The following PLXNB2 variants were observed in gnomAD, a reference collection of about 807,000 sequenced individuals.
PLXNB2 encodes the protein plexin B2.
In PLXNB2, 85 loss-of-function variants were observed where a neutral mutation model predicts 202.6. That is an observed-to-expected ratio of 0.42 (90% CI 0.35 to 0.50). The LOEUF is 0.50. Among genes scored for constraint, PLXNB2 ranks in the 20% least tolerant of loss-of-function variants. The pLI, the probability that PLXNB2 is intolerant of heterozygous loss-of-function variation, is 0.02. For synonymous variants in PLXNB2, 1,239 were observed against 1,137.6 expected, an observed-to-expected ratio of 1.09 and a Z score of -1.79; for missense variants, 2,063 against 2,586.2, an observed-to-expected ratio of 0.80 and a Z score of 4.39.
At chr22:50,302,356 G>C (rs2067736149) in intron 1 of PLXNB2, among the ~76,000 whole-genome samples, 1 of 152,216 alleles carries the variant, frequency 6.6e-6, no homozygotes, top group South Asian at 2.1e-4. Context: ...GTGAGTGGGA[G>C]GTGATGCCCG....
rs1445584611 is a variant in PLXNB2 at position 50,280,077 on chromosome 22, G to A, written c.4176-6C>T. 6.2e-7 allele frequency: 1 copy of A among 1,600,094 alleles called. No individual in the cohort carries two copies. Among genetic ancestry groups the A allele is most frequent in the Admixed American group, 1.7e-5 (1 of 57,888 alleles). ...TCTCCACCACAGTCTCAGACCTGGG[G>A]GTGCAGGGAGGCCTTGTACCGAGTG... is the stretch of plus-strand genomic sequence containing the variant. On this transcript the variant is annotated splice_polypyrimidine_tract_variant and splice_region_variant and intron_variant, in intron 25 of 36. Coordinates refer to ENST00000359337, the MANE Select transcript of PLXNB2 (RefSeq NM_012401.4).
intron 1 of PLXNB2, among the ~76,000 whole-genome samples, chr22:50,296,360 T>TGTGGTCGTGGGTG (rs879332561): frequency 6.6e-6 from 1 of 151,908 alleles, no homozygotes; most frequent in African/African-American, 2.4e-5. Flanking sequence ...TGCAGTGAAC[T>TGTGGTCGTGGGTG]ATGATTGTGG....
intron 11 of PLXNB2, among the ~76,000 whole-genome samples, chr22:50,285,071 C>T (rs909368518): frequency 4.6e-5 from 7 of 152,238 alleles, no homozygotes; most frequent in South Asian, 2.1e-4. Flanking sequence ...CCTCTGTCCC[C>T]GATAAATCCT....
In PLXNB2 at chr22:50,287,119, G is replaced by C. The variant is rs890732555; in HGVS notation, c.1754C>G (p.Pro585Arg). 3 of 1,522,764 alleles carry C rather than the reference G, an allele frequency of 2.0e-6. No homozygotes were observed. In the Admixed American group the frequency reaches 6.2e-5, roughly 31 times the overall value. The allele number at this position is 1,522,764 out of a possible 1,614,324, so 94.3% of individuals were successfully genotyped here. A position where few individuals can be genotyped will look rare whatever the true frequency, so the allele number is the denominator to read the frequency against. Residue 585 changes from proline (P) to arginine (R), a missense_variant, in exon 8 of 37, where the codon CCA becomes CGA. Coordinates refer to ENST00000359337, the MANE Select transcript of PLXNB2 (RefSeq NM_012401.4). ...TCGGGAAGGGGCCTCACCCTGGCCT[G>C]GCGGTGTGACGGGGATGCTGCTTGG... ...NSPSSIPVTP[P>R]GQDHVAVTIQ...
intron 35 of PLXNB2, 99 bp from the exon 36 acceptor site, chr22:50,276,062 A>C (rs6010224): frequency 0.48 from 551,917 of 1,146,248 alleles, 136,687 homozygotes; most frequent in African/African-American, 0.67. Flanking sequence ...CTCCCCGGGG[A>C]AGCAGCTGGG....
At position 50,297,711 on chromosome 22, in the gene PLXNB2, C is replaced by T. The variant is rs1190073467; in HGVS notation, c.-73-2933G>A. 1.3e-5 allele frequency among the ~76,000 whole-genome samples: 2 copies of T among 152,176 alleles called. No individual in the cohort carries two copies. Among genetic ancestry groups the T allele is most frequent in the African/African-American group, 2.4e-5 (1 of 41,434 alleles). On this transcript the variant is annotated intron_variant, in intron 1 of 36. Coordinates refer to ENST00000359337, the MANE Select transcript of PLXNB2 (RefSeq NM_012401.4). This position sits in a 1 kb window ranked among gnomAD's most constrained non-coding sequence, Gnocchi z 5.3. ...CTGACGCTGCTGCACCCAGGGACCT[C>T]GAGGCCTGAAGTCCAGAGCCAGACC...
At position 50,277,909 on chromosome 22, in the gene PLXNB2, C is replaced by G. The variant is rs2065719635; in HGVS notation, c.4992G>C (p.Gln1664His). ...VKYFFDFLDE[Q>H]AEKHNIQDED... ...CATCCTGGATGTTGTGCTTCTCTGC[C>G]TGCTCGTCCAGGAAGTCGAAGAAGT... is the stretch of plus-strand genomic sequence containing the variant. Residue 1664 changes from glutamine to histidine, a missense_variant, in exon 32 of 37, where the codon CAG (glutamine) becomes CAC (histidine). This residue lies in a region of PLXNB2 where 760 missense variants were observed against 1,109.4 expected (regional missense o/e 0.69). Transcript: ENST00000359337. 1.9e-6 allele frequency: 3 copies of G among 1,613,244 alleles called. No individual in the cohort carries two copies. Among genetic ancestry groups the G allele is most frequent in the Non-Finnish European group, 2.5e-6 (3 of 1,179,984 alleles).
intron 31 of PLXNB2, 22 bp from the exon 32 acceptor site, chr22:50,278,035 C>G: frequency 1.9e-6 from 3 of 1,607,634 alleles, no homozygotes; most frequent in Non-Finnish European, 2.6e-6. Flanking sequence ...AGGGTCTCAG[C>G]GTGACGCCGT....
In PLXNB2 at chr22:50,285,880, G is replaced by A. The variant is rs753941688; in HGVS notation, c.2008C>T (p.Leu670=). ...AHMEDSCPQF[L]GPSPLVIPMN... ...GGGATCACCAGGGGGCTGGGTCCCA[G>A]GAACTGGGGACAGCTGTCCTCCTGG... Residue 670 remains leucine (L), a synonymous_variant, in exon 11 of 37, where the codon CTG becomes TTG. Transcript: ENST00000359337. The A allele has an allele frequency of 4.3e-6, 7 of 1,612,568 alleles. No homozygotes were observed. In the Admixed American group the frequency reaches 1.2e-4, roughly 27 times the overall value.
In PLXNB2 at chr22:50,284,121, G is replaced by A. The variant is rs372711870; in HGVS notation, c.2263+11C>T. ...CCCCTGCCCGCCCCCCACTGCGCCC[G>A]TGGCCCCCACCATGGAGCTTGCTGT... On this transcript the variant is annotated intron_variant, in intron 13 of 36. Transcript: ENST00000359337. The surrounding 1 kb of genome is among the most constrained non-coding windows in gnomAD (Gnocchi z 8.0). 7.9e-5 allele frequency: 65 copies of A among 822,564 alleles called. No individual in the cohort carries two copies. The highest frequency in any genetic ancestry group is 2.7e-4 in the Middle Eastern group (1 of 3,694). The allele number at this position is 822,564 out of a possible 1,614,324, so 51.0% of individuals were successfully genotyped here.
At position 50,282,277 on chromosome 22, in the gene PLXNB2, G is replaced by A; in HGVS notation, c.3024C>T (p.Phe1008=). 1 of 1,612,180 alleles carries A rather than the reference G, an allele frequency of 6.2e-7. No individual in the cohort carries two copies. Among genetic ancestry groups the A allele is most frequent in the Non-Finnish European group, 8.5e-7 (1 of 1,179,696 alleles). The change falls in exon 19 of 37, where the codon TTC becomes TTT. Residue 1008 remains phenylalanine (F), a synonymous_variant. Transcript: ENST00000359337. ...CCATGGCAAACCTCTGGATCAGGCT[G>A]AAGCCCTGACCCGTGACGTTGATGC... ...GRSINVTGQG[F]SLIQRFAMVV...
intron 2 of PLXNB2, among the ~76,000 whole-genome samples, chr22:50,292,172 C>T (rs1322288082): frequency 6.6e-6 from 1 of 151,914 alleles, no homozygotes; most frequent in Non-Finnish European, 1.5e-5. Context: ...CCCGTCTCTA[C>T]TAAAAACACA....
chr22:50,296,590 CAAAAAAAAAA>C (rs34197202), intron 1 of PLXNB2, among the ~76,000 whole-genome samples: 2 of 56,460 alleles, frequency 3.5e-5, no homozygotes, highest in Admixed American at 4.4e-4. Flanking sequence ...GACTCTGTCT[CAAAAAAAAAA>C]AAAAAAAAAA....
intron 2 of PLXNB2, among the ~76,000 whole-genome samples, chr22:50,292,387 C>CGATGTGG (rs2066939245): frequency 6.8e-6 from 1 of 147,036 alleles, no homozygotes; most frequent in Non-Finnish European, 1.5e-5. Context: ...GAACAAGCCA[C>CGATGTGG]AAAATGCAAA....
At chr22:50,279,940 G>A (rs1439674930) in intron 26 of PLXNB2, 65 bp downstream of exon 26, 9 of 1,434,698 alleles carry the variant, frequency 6.3e-6, no homozygotes, top group South Asian at 1.2e-5. Flanking sequence ...ATAGGGGAAC[G>A]CAGGAGGGGA....
chr22:50,284,353 T>C lies in PLXNB2; in HGVS notation c.2182-140A>G. 1 of 845,286 alleles carries C rather than the reference T, an allele frequency of 1.2e-6. No homozygotes were observed. Among genetic ancestry groups the C allele is most frequent in the Non-Finnish European group, 1.9e-6 (1 of 515,930 alleles). 52.4% of individuals were successfully genotyped at this position (845,286 alleles called of 1,614,324 possible). A position where few individuals can be genotyped will look rare whatever the true frequency, so the allele number is the denominator to read the frequency against. The stretch of plus-strand genomic sequence containing the variant: ...AGGGGAGGCCTTCAGGTGTCGGAAG[T>C]TCGGGAACCCCATGGACGCTGCTCT... On this transcript the variant is annotated intron_variant, in intron 12 of 36. Transcript: ENST00000359337. The surrounding 1 kb of genome is among the most constrained non-coding windows in gnomAD (Gnocchi z 8.0).
Position 50,283,873 on chromosome 22 carries a change from C to T in PLXNB2, c.2381G>A (p.Cys794Tyr). 6.2e-7 allele frequency: 1 copy of T among 1,607,188 alleles called. No individual in the cohort carries two copies. The highest frequency in any genetic ancestry group is 8.5e-7 in the Non-Finnish European group (1 of 1,177,322). Residue 794 changes from cysteine (C) to tyrosine (Y), a missense_variant, in exon 14 of 37, where the codon TGC (cysteine) becomes TAC (tyrosine). By Grantham distance (194) the Cys-to-Tyr change is radical. Transcript: ENST00000359337. ...GQSRCVYEAL[C>Y]NTTSECPPPV... ...CGGCGGGCACTCGGAGGTGGTGTTG[C>T]ACAGGGCCTCATACACGCACCTGCT...
At position 50,289,487 on chromosome 22, in the gene PLXNB2, G is replaced by C; in HGVS notation, c.1068+30C>G. 1 of 1,566,826 alleles carries C rather than the reference G, an allele frequency of 6.4e-7. No individual in the cohort carries two copies. The highest frequency in any genetic ancestry group is 8.7e-7 in the Non-Finnish European group (1 of 1,154,210). ...CCCACGAACGGACGCCTGCAGTCCG[G>C]GCCCTGCGAGAACACACTGAGGCCC... On this transcript the variant is annotated intron_variant, in intron 3 of 36. Transcript: ENST00000359337. This position sits in a 1 kb window ranked among gnomAD's most constrained non-coding sequence, Gnocchi z 8.0.
In PLXNB2 at chr22:50,289,455, A is replaced by G. The variant is rs2066712308; in HGVS notation, c.1068+62T>C. 2 of 1,499,360 alleles carry G rather than the reference A, an allele frequency of 1.3e-6. No homozygotes were observed. The highest frequency in any genetic ancestry group is 2.6e-5 in the South Asian group (2 of 77,440). 92.9% of individuals were successfully genotyped at this position (1,499,360 alleles called of 1,614,324 possible). ...TGCACCCTCCCCAGCAGGCTGGGAC[A>G]CGCAAACCCACGAACGGACGCCTGC... is the stretch of plus-strand genomic sequence containing the variant. On this transcript the variant is annotated intron_variant, in intron 3 of 36. Transcript: ENST00000359337. The surrounding 1 kb of genome is among the most constrained non-coding windows in gnomAD (Gnocchi z 8.0).
Sources: allele counts gnomAD v4.1 joint callset (sites outside exome capture counted in the v4.1 genomes callset), GRCh38; gene constraint gnomAD v4.1.1; regional missense constraint gnomAD v4.1.1; non-coding constraint Gnocchi (gnomAD v3.1); transcripts MANE v1.5; gene names NCBI Gene and HGNC (gene_info 2026-07-23, HGNC 2026-07-21).